The following RBFOX1 variants were observed in gnomAD, a reference collection of about 807,000 sequenced individuals.
RBFOX1 encodes RNA binding protein fox-1 homolog 1.
RBFOX1 carries 8 observed loss-of-function variants against 57.7 expected under a neutral mutation model. The ratio of observed to expected loss-of-function variants is 0.14; its 90% CI spans 0.08 to 0.25. RBFOX1 has a LOEUF of 0.25. Ranked by LOEUF, RBFOX1 falls within the 10% of genes least tolerant of loss-of-function variation. The pLI is 1.00. For missense variants in RBFOX1, 611 were observed against 548.5 expected (o/e 1.11, Z -1.14); for synonymous variants, 326 against 222.4 (o/e 1.47, Z -4.15).
chr16:7,711,702 T>C lies in RBFOX1; in HGVS notation c.*957T>C, dbSNP rs1598730195. 6.6e-6 allele frequency: 1 copy of C among 152,636 alleles called. No individual in the cohort carries two copies. The highest frequency in any genetic ancestry group is 1.5e-5 in the Non-Finnish European group (1 of 68,038). 9.5% of individuals were successfully genotyped at this position (152,636 alleles called of 1,614,324 possible). On this transcript the variant is annotated 3_prime_UTR_variant, in exon 16 of 16. Transcript: ENST00000550418. ...ACATCTGTGCAGTGGAGTTGTTAAG[T>C]TCTAGAAACAGTCTATGAAGCTTTA...
chr16:5,625,479 T>G lies in RBFOX1; in HGVS notation c.318+26518T>G, dbSNP rs2048322036. 2.0e-5 allele frequency among the ~76,000 whole-genome samples: 3 copies of G among 152,188 alleles called. No individual in the cohort carries two copies. In the South Asian group the frequency reaches 6.2e-4, roughly 32 times the overall value. On this transcript the variant is annotated intron_variant, in intron 3 of 19. Transcript: ENST00000641259. Reference sequence around the variant, plus strand: ...GGTGTGCCTGACCGCTGCACCGTTCTTCATAACCAGTCAAGTTTTGCGGAG... The same window carrying G: ...GGTGTGCCTGACCGCTGCACCGTTCGTCATAACCAGTCAAGTTTTGCGGAG...
chr16:6,816,432 T>C (rs1253382752), intron 3 of RBFOX1, among the ~76,000 whole-genome samples: 3 of 151,908 alleles, frequency 2.0e-5, no homozygotes, highest in Non-Finnish European at 4.4e-5. Context: ...ATTTTTTTTT[T>C]TTTTTTTTAA....
intron 2 of RBFOX1, among the ~76,000 whole-genome samples, chr16:6,431,554 C>T (rs890611692): frequency 2.6e-5 from 4 of 151,874 alleles, no homozygotes; most frequent in Admixed American, 6.6e-5. Flanking sequence ...AAAACAGGGG[C>T]TCCGAGGGTG....
chr16:7,627,355 G>A (rs1466173124), intron 10 of RBFOX1, among the ~76,000 whole-genome samples: 1 of 152,142 alleles, frequency 6.6e-6, no homozygotes, highest in African/African-American at 2.4e-5. Context: ...GGATAATATT[G>A]AAATTGATTA....
chr16:7,444,300 A>G (rs927401278), intron 4 of RBFOX1, among the ~76,000 whole-genome samples: 1 of 152,120 alleles, frequency 6.6e-6, no homozygotes, highest in African/African-American at 2.4e-5. Flanking sequence ...GCTGGAACAG[A>G]GTCCCTAGGA....
At chr16:7,630,545 T>G (rs1181020844) in intron 10 of RBFOX1, 58 bp from the exon 11 acceptor site, 3 of 1,607,854 alleles carry the variant, frequency 1.9e-6, no homozygotes, top group Non-Finnish European at 2.5e-6. Flanking sequence ...TGCCGTGATC[T>G]CTCAGGTGTA....
At chr16:6,642,610 G>A (rs1049483368) in intron 2 of RBFOX1, among the ~76,000 whole-genome samples, 3 of 151,822 alleles carry the variant, frequency 2.0e-5, no homozygotes, top group African/African-American at 7.3e-5. Context: ...AAAAAAGTAA[G>A]GTGAAGAAAA....
At chr16:6,763,725 G>C (rs1180906733) in intron 3 of RBFOX1, among the ~76,000 whole-genome samples, 1 of 152,150 alleles carries the variant, frequency 6.6e-6, no homozygotes, top group Non-Finnish European at 1.5e-5. Context: ...TAGCCTGATA[G>C]CACGTTTATC....
intron 4 of RBFOX1, among the ~76,000 whole-genome samples, chr16:7,054,811 G>C (rs945786329): frequency 6.6e-6 from 1 of 152,150 alleles, no homozygotes; most frequent in Non-Finnish European, 1.5e-5. Flanking sequence ...TTATCATGTC[G>C]AGGGTCCTTC....
chr16:7,033,853 C>G (rs2043479601), intron 3 of RBFOX1, among the ~76,000 whole-genome samples: 1 of 152,144 alleles, frequency 6.6e-6, no homozygotes, highest in Non-Finnish European at 1.5e-5. Flanking sequence ...CCTGTGGGCC[C>G]AGCTACTCAG....
intron 4 of RBFOX1, among the ~76,000 whole-genome samples, chr16:5,960,201 A>C (rs545110340): frequency 8.5e-5 from 13 of 152,326 alleles, no homozygotes; most frequent in African/African-American, 2.9e-4. Flanking sequence ...ACTCTGTCTC[A>C]AGAAGAAGAA....
intron 4 of RBFOX1, among the ~76,000 whole-genome samples, chr16:7,383,899 A>C (rs2097830742): frequency 1.3e-5 from 2 of 152,108 alleles, no homozygotes; most frequent in South Asian, 4.1e-4. Flanking sequence ...CTAAAAATAC[A>C]AAAAATTAGC....
At chr16:7,105,878 A>T (rs1432448021) in intron 4 of RBFOX1, among the ~76,000 whole-genome samples, 1 of 152,178 alleles carries the variant, frequency 6.6e-6, no homozygotes, top group East Asian at 1.9e-4. Context: ...CTGAGAATGG[A>T]GGAGGTATTG....
At chr16:6,648,201 C>G (rs375136469) in intron 2 of RBFOX1, among the ~76,000 whole-genome samples, 18 of 151,928 alleles carry the variant, frequency 1.2e-4, no homozygotes, top group African/African-American at 4.1e-4. Context: ...GCATACCACC[C>G]CACCTAGCTA....
Position 6,512,283 on chromosome 16 carries a change from C to CAAAA in RBFOX1, c.-63-142307_-63-142304dup, listed in dbSNP as rs565248640. On this transcript the variant is annotated intron_variant, in intron 2 of 15. Coordinates refer to ENST00000550418, the MANE Select transcript of RBFOX1 (RefSeq NM_018723.4). ...TGGGTAACAGAGCAAGACCCTGTAT[C>CAAAA]AAAAAAAAAAAAAAAAGGTAAGAGA... 7.2e-3 allele frequency among the ~76,000 whole-genome samples: 627 copies of CAAAA among 86,930 alleles called. 25 individuals are homozygous for CAAAA. Among genetic ancestry groups the CAAAA allele is most frequent in the African/African-American group, 0.03 (595 of 20,132 alleles). The allele number at this position is 86,930 out of a possible 152,430, so 57.0% of individuals were successfully genotyped here.
At chr16:7,346,323 C>T (rs1315059622) in intron 4 of RBFOX1, among the ~76,000 whole-genome samples, 1 of 151,784 alleles carries the variant, frequency 6.6e-6, no homozygotes, top group Non-Finnish European at 1.5e-5. Context: ...TAGAGTAAAC[C>T]ACGATGGCAG....
chr16:7,340,646 C>G (rs956319871), intron 4 of RBFOX1, among the ~76,000 whole-genome samples: 6 of 152,330 alleles, frequency 3.9e-5, no homozygotes, highest in Non-Finnish European at 8.8e-5. Flanking sequence ...CACCACTTCT[C>G]TTCACATCAG....
At chr16:6,826,508 C>A (rs1041495023) in intron 3 of RBFOX1, among the ~76,000 whole-genome samples, 1 of 152,142 alleles carries the variant, frequency 6.6e-6, no homozygotes, top group Non-Finnish European at 1.5e-5. Context: ...ATACAATAAG[C>A]GTTCCATAAG....
At chr16:6,054,026 G>A (rs149898010) in intron 1 of RBFOX1, among the ~76,000 whole-genome samples, 11 of 152,162 alleles carry the variant, frequency 7.2e-5, no homozygotes, top group South Asian at 4.2e-4. Context: ...TCCAGCCTGC[G>A]CAACAGAATG....
Sources: allele counts gnomAD v4.1 joint callset (sites outside exome capture counted in the v4.1 genomes callset), GRCh38; gene constraint gnomAD v4.1.1; transcripts MANE v1.5; gene names NCBI Gene and HGNC (gene_info 2026-07-23, HGNC 2026-07-21).